The following TACC2 variants were observed in gnomAD, a reference collection of about 807,000 sequenced individuals.
The protein encoded by TACC2 is transforming acidic coiled-coil-containing protein 2.
A neutral mutation model predicts 227.3 loss-of-function variants in TACC2; 137 were observed. The observed-to-expected ratio is 0.60, with a 90% confidence interval of 0.52 to 0.69. TACC2 has a LOEUF of 0.69. Among genes scored for constraint, TACC2 ranks in the 30% least tolerant of loss-of-function variants. The probability of loss-of-function intolerance (pLI) is 0.00; values close to 1 mark genes in which losing one functional copy is unlikely to be tolerated. For synonymous variants in TACC2, 1,523 were observed against 1,487.5 expected (o/e 1.02, Z -0.55); for missense variants, 3,470 against 3,694.4 (o/e 0.94, Z 1.57).
intron 2 of TACC2, among the ~76,000 whole-genome samples, chr10:122,038,294 A>G (rs1049613476): frequency 1.3e-5 from 2 of 152,178 alleles, no homozygotes; most frequent in Non-Finnish European, 2.9e-5. Flanking sequence ...CAAACACACA[A>G]ACCAAAAAAC....
intron 2 of TACC2, among the ~76,000 whole-genome samples, chr10:122,042,957 G>A (rs1025422159): frequency 2.0e-5 from 3 of 152,190 alleles, no homozygotes; most frequent in African/African-American, 7.2e-5. Context: ...ATCCTGACAT[G>A]CCCAGCTCTT....
intron 2 of TACC2, among the ~76,000 whole-genome samples, chr10:122,035,221 T>C (rs1365598933): frequency 6.6e-6 from 1 of 152,192 alleles, no homozygotes; most frequent in Non-Finnish European, 1.5e-5. Context: ...CACGTCGTGA[T>C]GTGACGTGGA....
Position 122,087,251 on chromosome 10 carries a change from A to C in TACC2, c.4751A>C (p.His1584Pro). The change falls in exon 4 of 23, where the codon CAT becomes CCT. Residue 1584 changes from histidine to proline, a missense_variant. By Grantham distance (77) the His-to-Pro change is moderately conservative. Coordinates refer to ENST00000369005, the MANE Select transcript of TACC2 (RefSeq NM_206862.4). Reference sequence around the variant, plus strand: ...GCCTTCCAGGTGGCTCCCCATAGCCATGGAGAAGAGGCCGTGGCCCAAGAC... The same window carrying C: ...GCCTTCCAGGTGGCTCCCCATAGCCCTGGAGAAGAGGCCGTGGCCCAAGAC... Reference protein sequence around the residue: ...AAAFQVAPHSHGEEAVAQDRI... With the variant: ...AAAFQVAPHSPGEEAVAQDRI... The C allele has an allele frequency of 6.2e-7, 1 of 1,613,790 alleles. No homozygotes were observed.
chr10:122,068,595 G>A (rs2077641233), intron 3 of TACC2, among the ~76,000 whole-genome samples: 1 of 151,906 alleles, frequency 6.6e-6, no homozygotes, highest in Non-Finnish European at 1.5e-5. Flanking sequence ...TGAGTGATGA[G>A]GTACTCCACT....
At position 122,017,366 on chromosome 10, in the gene TACC2, TCTCC is replaced by T. The variant is rs528786283; in HGVS notation, c.-45-4560_-45-4557del. On this transcript the variant is annotated intron_variant, in intron 1 of 22. Coordinates refer to ENST00000369005, the MANE Select transcript of TACC2 (RefSeq NM_206862.4). ...GCCGCCGTTTTGGTGAGCCATCTTC[TCTCC>T]CTCCCTCCCTGCCAGTCCTCAGGAG... Among the ~76,000 whole-genome samples the T allele has an allele frequency of 1.3e-3, 199 of 152,126 alleles. 1 individual carries two copies. The highest frequency in any genetic ancestry group is 2.0e-3 in the Non-Finnish European group (134 of 67,996).
intron 20 of TACC2, 80 bp from the exon 21 acceptor site, chr10:122,248,970 C>A: frequency 2.0e-6 from 3 of 1,498,874 alleles, no homozygotes; most frequent in Non-Finnish European, 2.8e-6. Flanking sequence ...CACCTGCATC[C>A]GAGAGTTCCT....
chr10:122,240,320 A>T (rs909348378), intron 18 of TACC2, among the ~76,000 whole-genome samples: 1 of 152,188 alleles, frequency 6.6e-6, no homozygotes. Flanking sequence ...TTAATGGCAG[A>T]AAACACAGAA....
intron 7 of TACC2, among the ~76,000 whole-genome samples, chr10:122,176,073 TTCTCTCTCTCTC>T (rs55655832): frequency 0.017 from 1,554 of 92,610 alleles, 32 homozygotes; most frequent in East Asian, 0.13. Context: ...GAGCAAAACC[TTCTCTCTCTCTC>T]TCTCTCTCTC....
intron 1 of TACC2, among the ~76,000 whole-genome samples, chr10:121,996,484 C>A (rs1353259047): frequency 6.6e-6 from 1 of 152,144 alleles, no homozygotes; most frequent in Admixed American, 6.5e-5. Context: ...GCCCCACTTC[C>A]AATGCTGGGG....
intron 5 of TACC2, among the ~76,000 whole-genome samples, chr10:122,101,336 G>C (rs557156498): frequency 6.6e-6 from 1 of 152,264 alleles, no homozygotes; most frequent in South Asian, 2.1e-4. Flanking sequence ...ACTATTGGAA[G>C]GAGTCCCCTG....
chr10:122,132,053 A>AAGG (rs2088297597), intron 5 of TACC2, among the ~76,000 whole-genome samples: 3 of 31,080 alleles, frequency 9.7e-5, no homozygotes, highest in African/African-American at 2.1e-4. Context: ...AGAAAGAAAG[A>AAGG]AAGAAAGAAA....
intron 7 of TACC2, among the ~76,000 whole-genome samples, chr10:122,148,060 T>C (rs1320448802): frequency 6.6e-6 from 1 of 151,966 alleles, no homozygotes; most frequent in Non-Finnish European, 1.5e-5. Flanking sequence ...TTGATTTCAC[T>C]GAAATGGAAG....
At chr10:122,215,574 C>T in intron 10 of TACC2, 123 bp downstream of exon 10, 1 of 820,470 alleles carries the variant, frequency 1.2e-6, no homozygotes, top group South Asian at 1.4e-5. Context: ...TTCTTGCATT[C>T]TGTGTGGAGG....
chr10:122,004,673 G>A (rs1037523214), intron 1 of TACC2, among the ~76,000 whole-genome samples: 4 of 151,896 alleles, frequency 2.6e-5, no homozygotes, highest in African/African-American at 7.3e-5. Flanking sequence ...ACCCATTCCC[G>A]AGCTCCCTGT....
intron 5 of TACC2, among the ~76,000 whole-genome samples, chr10:122,124,786 TC>T (rs1455773081): frequency 6.6e-6 from 1 of 152,216 alleles, no homozygotes; most frequent in Non-Finnish European, 1.5e-5. Flanking sequence ...TTTCCCCGAT[TC>T]CGCAGTCATT....
rs992116335 is a variant in TACC2, at chr10:122,012,011, C to T, written c.-45-9926C>T. 3.9e-5 allele frequency among the ~76,000 whole-genome samples: 6 copies of T among 151,990 alleles called. No homozygotes were observed. In the East Asian group the frequency reaches 9.8e-4, roughly 25 times the overall value. ...GGAGTGCAGTAGCAAGATCTTGGCT[C>T]CCTGCAACCTCCACCTCCCAGGTTC... On this transcript the variant is annotated intron_variant, in intron 1 of 22. Transcript: ENST00000369005.
intron 2 of TACC2, among the ~76,000 whole-genome samples, chr10:122,037,359 G>A (rs1960749410): frequency 6.6e-6 from 1 of 152,176 alleles, no homozygotes. Context: ...TGATAAAAGA[G>A]CATTTCACTG....
intron 6 of TACC2, among the ~76,000 whole-genome samples, chr10:122,135,272 T>C (rs1203914235): frequency 2.6e-5 from 4 of 152,174 alleles, no homozygotes; most frequent in African/African-American, 9.7e-5. Context: ...CCTGTATCCA[T>C]GGTCTCTCTC....
At chr10:122,165,648 A>T (rs562154889) in intron 7 of TACC2, among the ~76,000 whole-genome samples, 1 of 152,358 alleles carries the variant, frequency 6.6e-6, no homozygotes, top group African/African-American at 2.4e-5. Context: ...GCTGTTTATC[A>T]AATATTTTCA....
Sources: gnomAD v4.1 joint callset for allele counts (sites outside exome capture counted in the v4.1 genomes callset) on GRCh38, gnomAD v4.1.1 for gene constraint, MANE v1.5 for transcripts, NCBI Gene and HGNC (gene_info 2026-07-23, HGNC 2026-07-21) for gene names.